The following MYB variants were observed in gnomAD, a reference collection of about 807,000 sequenced individuals.
The protein encoded by MYB is MYB proto-oncogene, transcription factor.
MYB carries 28 observed loss-of-function variants against 92.9 expected under a neutral mutation model. The observed-to-expected ratio is 0.30, with a 90% CI of 0.22 to 0.41. The LOEUF is 0.41. MYB is among the 10% of genes least tolerant of loss of function. MYB has a pLI of 1.00. For synonymous variants in MYB, 295 were observed against 329.1 expected, an observed-to-expected ratio of 0.90 and a Z score of 1.12; for missense variants, 679 against 929.3, an observed-to-expected ratio of 0.73 and a Z score of 3.50.
intron 11 of MYB, among the ~76,000 whole-genome samples, chr6:135,199,866 C>T (rs1777821365): frequency 6.6e-6 from 1 of 152,118 alleles, no homozygotes; most frequent in Admixed American, 6.5e-5. Context: ...TCATTTAATG[C>T]TTTTAGTCTT....
intron 15 of MYB, among the ~76,000 whole-genome samples, chr6:135,213,409 T>A (rs917716818): frequency 5.9e-5 from 9 of 152,214 alleles, no homozygotes; most frequent in African/African-American, 2.2e-4. Flanking sequence ...TTTAAATACC[T>A]AGTCCTGGAG....
chr6:135,181,489 G>T lies in MYB; in HGVS notation c.-25G>T. The stretch of plus-strand genomic sequence containing the variant: ...GCCCGGTGCGGTCCCCGCGGCTCTC[G>T]GCGGAGCCCCGCGCCCGCCGCGCCA... On this transcript the variant is annotated 5_prime_UTR_variant, in exon 1 of 16. Transcript: ENST00000341911. The surrounding 1 kb of genome is among the most constrained non-coding windows in gnomAD (Gnocchi z 5.3). The T allele has an allele frequency of 8.9e-7, 1 of 1,121,856 alleles. No individual in the cohort carries two copies. Among genetic ancestry groups the T allele is most frequent in the South Asian group, 4.3e-5 (1 of 23,336 alleles). 69.5% of individuals were successfully genotyped at this position (1,121,856 alleles called of 1,614,324 possible). A position where few individuals can be genotyped will look rare whatever the true frequency, so the allele number is the denominator to read the frequency against.
intron 3 of MYB, among the ~76,000 whole-genome samples, chr6:135,188,979 T>C (rs1776307291): frequency 6.6e-6 from 1 of 152,190 alleles, no homozygotes; most frequent in Non-Finnish European, 1.5e-5. Context: ...AACTTACAGC[T>C]CCAGTTCTGT....
chr6:135,197,569 A>G (rs1777504188), intron 10 of MYB, among the ~76,000 whole-genome samples: 1 of 152,182 alleles, frequency 6.6e-6, no homozygotes, highest in African/African-American at 2.4e-5. Context: ...AGATAGTTGC[A>G]TGAAACGTAC....
At chr6:135,205,797 C>T (rs1429726765) in intron 15 of MYB, among the ~76,000 whole-genome samples, 1 of 152,188 alleles carries the variant, frequency 6.6e-6, no homozygotes, top group Non-Finnish European at 1.5e-5. Context: ...AAGCCAGGCT[C>T]AGTGGCTCAT....
At chr6:135,200,048 C>T in intron 11 of MYB, 37 bp from the exon 12 acceptor site, 1 of 1,477,978 alleles carries the variant, frequency 6.8e-7, no homozygotes, top group Non-Finnish European at 9.5e-7. Context: ...GACATTTATT[C>T]TTTTGTATTG....
In MYB at chr6:135,182,625, C is replaced by A. The variant is rs115678149; in HGVS notation, c.23+1089C>A. 9.7e-3 allele frequency among the ~76,000 whole-genome samples: 1,470 copies of A among 152,296 alleles called. 21 individuals carry two copies. Among genetic ancestry groups the A allele is most frequent in the African/African-American group, 0.034 (1,411 of 41,552 alleles). ...TTCAGCCGCCTTAGGTCGCCCCGGC[C>A]GAGGCGCGGTGACCGGACAGACCCT... On this transcript the variant is annotated intron_variant, in intron 1 of 15. Transcript: ENST00000341911. The surrounding 1 kb of genome is among the most constrained non-coding windows in gnomAD (Gnocchi z 5.6).
chr6:135,192,492 C>T lies in MYB; in HGVS notation c.696C>T (p.Leu232=). 6.2e-7 allele frequency: 1 copy of T among 1,614,238 alleles called. No individual in the cohort carries two copies. Residue 232 remains leucine (L), a synonymous_variant, in exon 6 of 16, where the codon CTC becomes CTT. Coordinates refer to ENST00000341911, the MANE Select transcript of MYB (RefSeq NM_001130173.2). ...GFAQAPPTAQ[L]PATGQPTVNN... is the part of the protein sequence containing the mutation. ...CTCAGGCTCCGCCTACAGCTCAACT[C>T]CCTGCCACTGGCCAGCCCACTGTTA...
chr6:135,209,724 T>C (rs776749873), intron 15 of MYB, among the ~76,000 whole-genome samples: 187 of 152,378 alleles, frequency 1.2e-3, no homozygotes, highest in Non-Finnish European at 2.3e-3. Flanking sequence ...GTTTCTTTTA[T>C]ATTTTCACAG....
chr6:135,213,464 C>T (rs1282769676), intron 15 of MYB, among the ~76,000 whole-genome samples: 2 of 152,054 alleles, frequency 1.3e-5, no homozygotes, highest in Non-Finnish European at 2.9e-5. Flanking sequence ...TAGGGGATCT[C>T]ACAGGAACAC....
chr6:135,211,236 G>T (rs1044846187), intron 15 of MYB, among the ~76,000 whole-genome samples: 7 of 149,640 alleles, frequency 4.7e-5, no homozygotes, highest in African/African-American at 1.5e-4. Context: ...CACTCATTTG[G>T]TTCTCCCTTT....
chr6:135,200,952 G>A (rs917255155), intron 13 of MYB, among the ~76,000 whole-genome samples: 5 of 152,010 alleles, frequency 3.3e-5, no homozygotes, highest in African/African-American at 1.2e-4. Context: ...GGTGGCGGGC[G>A]CCTGTAGTCC....
intron 15 of MYB, among the ~76,000 whole-genome samples, chr6:135,214,587 C>G (rs1250464600): frequency 6.6e-6 from 1 of 152,178 alleles, no homozygotes; most frequent in Non-Finnish European, 1.5e-5. Flanking sequence ...AGATCCAAGT[C>G]CTTGGCTCCA....
rs77274820 is a variant in MYB, at chr6:135,196,365, T to C, written c.1203+363T>C. Among the ~76,000 whole-genome samples the C allele has an allele frequency of 4.4e-3, 664 of 152,324 alleles. 7 individuals are homozygous for C. The highest frequency in any genetic ancestry group is 0.015 in the African/African-American group (637 of 41,558). On this transcript the variant is annotated intron_variant, in intron 9 of 15. Transcript: ENST00000341911. ...GTTTGAGTTACTTTTAACTTTTTTTTTTCTTTGCTTACTTCATGGTGCTTC... is the reference window on the plus strand; with the variant it reads ...GTTTGAGTTACTTTTAACTTTTTTTCTTCTTTGCTTACTTCATGGTGCTTC...
In MYB at chr6:135,187,814, A is replaced by C; in HGVS notation, c.142-20A>C. 2 of 1,563,142 alleles carry C rather than the reference A, an allele frequency of 1.3e-6. No homozygotes were observed. ...TATAGTAAATAACTGATATCCTAGG[A>C]TTACCTTTAAATGTCTTAGGATGAA... is the stretch of plus-strand genomic sequence containing the variant. On this transcript the variant is annotated intron_variant, in intron 2 of 15. Transcript: ENST00000341911.
chr6:135,201,884 A>G (rs1394476890), intron 14 of MYB, 135 bp downstream of exon 14: 4 of 428,322 alleles, frequency 9.3e-6, no homozygotes, highest in African/African-American at 2.0e-5. Flanking sequence ...TCTCCTGCAC[A>G]TGATTTTTAA....
intron 11 of MYB, chr6:135,199,479 A>G (rs1212170577): frequency 3.5e-6 from 2 of 577,574 alleles, no homozygotes; most frequent in South Asian, 6.5e-5. Flanking sequence ...ATTTATTTTT[A>G]GTTTGTATTT....
At chr6:135,212,702 CA>C (rs1326589244) in intron 15 of MYB, among the ~76,000 whole-genome samples, 2 of 152,142 alleles carry the variant, frequency 1.3e-5, no homozygotes, top group Non-Finnish European at 2.9e-5. Flanking sequence ...TCTGCAAGAG[CA>C]CCATGGGTTA....
intron 5 of MYB, among the ~76,000 whole-genome samples, chr6:135,191,122 C>G (rs1776573815): frequency 6.6e-6 from 1 of 152,178 alleles, no homozygotes; most frequent in Admixed American, 6.5e-5. Context: ...TACCACTTTG[C>G]TTAATTTTTT....
Sources: gnomAD v4.1 joint callset for allele counts (sites outside exome capture counted in the v4.1 genomes callset) on GRCh38, gnomAD v4.1.1 for gene constraint, Gnocchi (gnomAD v3.1) non-coding constraint, MANE v1.5 for transcripts, NCBI Gene and HGNC (gene_info 2026-07-23, HGNC 2026-07-21) for gene names.